DLGAP3: variants seen among roughly 807,000 people sequenced by gnomAD.
DLGAP3 encodes disks large-associated protein 3.
Under a neutral mutation model 81.2 loss-of-function variants are expected in DLGAP3, and 17 were observed. The ratio of observed to expected loss-of-function variants is 0.21; its 90% CI spans 0.14 to 0.31. DLGAP3 has a LOEUF of 0.31. Among genes scored for constraint, DLGAP3 ranks in the 10% least tolerant of loss-of-function variants. The pLI is 1.00. For synonymous variants in DLGAP3, 577 were observed against 587.4 expected, an observed-to-expected ratio of 0.98 and a Z score of 0.26; for missense variants, 1,124 against 1,388.0, an observed-to-expected ratio of 0.81 and a Z score of 3.02.
chr1:34,919,323 A>G (rs1408618656), intron 1 of DLGAP3, among the ~76,000 whole-genome samples: 1 of 152,038 alleles, frequency 6.6e-6, no homozygotes, highest in Non-Finnish European at 1.5e-5. Context: ...GCAGACCCCC[A>G]ACTCCCACTT....
At position 34,868,905 on chromosome 1, in the gene DLGAP3, G is replaced by A. The variant is rs142976280; in HGVS notation, c.2185C>T (p.Arg729Cys). ...CACTGGCCCTGCGTGTGGACCGTGC[G>A]GAAGACTGAGTAGGTGGGGGCCCGG... ...GPRAPTYSVF[R>C]TVHTQGQWAY... Residue 729 changes from arginine (R) to cysteine (C), a missense_variant, in exon 9 of 12, where the codon CGC becomes TGC. Physicochemically the swap from Arg to Cys is radical, Grantham distance 180. Coordinates refer to ENST00000373347, the MANE Select transcript of DLGAP3 (RefSeq NM_001080418.3). The surrounding 1 kb of genome is among the most constrained non-coding windows in gnomAD (Gnocchi z 7.5). 20 of 1,606,872 alleles carry A rather than the reference G, an allele frequency of 1.2e-5. No homozygotes were observed. The highest frequency in any genetic ancestry group is 4.0e-5 in the African/African-American group (3 of 74,904).
intron 11 of DLGAP3, among the ~76,000 whole-genome samples, chr1:34,866,577 G>A (rs1294561097): frequency 6.6e-6 from 1 of 152,190 alleles, no homozygotes; most frequent in Non-Finnish European, 1.5e-5. Flanking sequence ...TTCACTCCGG[G>A]TCCCGACCCG....
intron 1 of DLGAP3, among the ~76,000 whole-genome samples, chr1:34,909,946 C>A (rs1381116160): frequency 6.6e-6 from 1 of 152,196 alleles, no homozygotes; most frequent in Non-Finnish European, 1.5e-5. Context: ...TAACTAGAGG[C>A]CACATGATTC....
At chr1:34,912,004 C>A (rs1639646712) in intron 1 of DLGAP3, among the ~76,000 whole-genome samples, 1 of 152,200 alleles carries the variant, frequency 6.6e-6, no homozygotes, top group South Asian at 2.1e-4. Context: ...GGGCTCAAAT[C>A]CCTTTCCACT....
chr1:34,914,877 T>A (rs978595780), intron 1 of DLGAP3, among the ~76,000 whole-genome samples: 57 of 152,236 alleles, frequency 3.7e-4, no homozygotes, highest in African/African-American at 1.3e-3. Flanking sequence ...ATGCAGGAAT[T>A]TCTGTTTGCC....
At chr1:34,921,521 C>T (rs1187231904) in intron 1 of DLGAP3, among the ~76,000 whole-genome samples, 1 of 152,236 alleles carries the variant, frequency 6.6e-6, no homozygotes, top group Non-Finnish European at 1.5e-5. Context: ...TGTGTGTCTA[C>T]CCTCCTTAAC....
chr1:34,867,598 T>A lies in DLGAP3; in HGVS notation c.2515A>T (p.Ser839Cys), dbSNP rs769763442. ...ILEKIRSAVG[S>C]TQLLLSQKVQ... ...TTCTGGGACAGGAGAAGTTGTGTGC[T>A]GCCCACAGCACTGCGGATCTTCTCC... The change falls in exon 10 of 12, where the codon AGC becomes TGC. Residue 839 changes from serine (S) to cysteine (C), a missense_variant. By Grantham distance (112) the Ser-to-Cys change is moderately radical. Coordinates refer to ENST00000373347, the MANE Select transcript of DLGAP3 (RefSeq NM_001080418.3). This position sits in a 1 kb window ranked among gnomAD's most constrained non-coding sequence, Gnocchi z 4.3. 1.9e-6 allele frequency: 3 copies of A among 1,614,022 alleles called. No homozygotes were observed. The highest frequency in any genetic ancestry group is 2.5e-6 in the Non-Finnish European group (3 of 1,179,890).
chr1:34,889,979 A>G (rs1639288856), intron 5 of DLGAP3, among the ~76,000 whole-genome samples: 1 of 152,326 alleles, frequency 6.6e-6, no homozygotes, highest in African/African-American at 2.4e-5. Flanking sequence ...GAAGCGTGGA[A>G]TTGGAAAGGA....
chr1:34,921,859 T>C (rs1369846925), intron 1 of DLGAP3, among the ~76,000 whole-genome samples: 1 of 152,206 alleles, frequency 6.6e-6, no homozygotes, highest in Non-Finnish European at 1.5e-5. Context: ...ATCCCCGTGT[T>C]GGTATAGACA....
intron 1 of DLGAP3, among the ~76,000 whole-genome samples, chr1:34,924,364 G>C (rs1047949922): frequency 6.6e-6 from 1 of 151,942 alleles, no homozygotes; most frequent in Non-Finnish European, 1.5e-5. Context: ...TGAATCCTTT[G>C]CTTAAAAATC....
At position 34,904,688 on chromosome 1, in the gene DLGAP3, G is replaced by T; in HGVS notation, c.696C>A (p.His232Gln). Residue 232 changes from histidine to glutamine, a missense_variant, in exon 3 of 12, where the codon CAC becomes CAA. Coordinates refer to ENST00000373347, the MANE Select transcript of DLGAP3 (RefSeq NM_001080418.3). This position sits in a 1 kb window ranked among gnomAD's most constrained non-coding sequence, Gnocchi z 8.1. ...TCTTGCCGTGCCGGGACTGGTGGTG[G>T]TGGTGATGGTGGTGGTGATGGTGGT... is the stretch of plus-strand genomic sequence containing the variant. The part of the protein sequence containing the change: ...SHHHHHHHHH[H>Q]HHQSRHGKRS... 1 of 1,613,768 alleles carries T rather than the reference G, an allele frequency of 6.2e-7. No homozygotes were observed. The highest frequency in any genetic ancestry group is 8.5e-7 in the Non-Finnish European group (1 of 1,179,984).
intron 1 of DLGAP3, among the ~76,000 whole-genome samples, chr1:34,916,858 G>A (rs1243299765): frequency 6.6e-6 from 1 of 152,026 alleles, no homozygotes; most frequent in Non-Finnish European, 1.5e-5. Context: ...GCCACGTCTG[G>A]CTAATTCTTT....
At position 34,868,938 on chromosome 1, in the gene DLGAP3, G is replaced by A; in HGVS notation, c.2152C>T (p.Pro718Ser). 3 of 1,609,774 alleles carry A rather than the reference G, an allele frequency of 1.9e-6. No individual in the cohort carries two copies. Among genetic ancestry groups the A allele is most frequent in the Non-Finnish European group, 2.5e-6 (3 of 1,179,874 alleles). The change falls in exon 9 of 12, where the codon CCT becomes TCT. Residue 718 changes from proline to serine, a missense_variant. Physicochemically the swap from Pro to Ser is moderately conservative, Grantham distance 74. Coordinates refer to ENST00000373347, the MANE Select transcript of DLGAP3 (RefSeq NM_001080418.3). This position sits in a 1 kb window ranked among gnomAD's most constrained non-coding sequence, Gnocchi z 7.5. Reference sequence around the variant, plus strand: ...GAGTAGGTGGGGGCCCGGGGCCCAGGCTGGGGCTCAGAGGCGTGCCTCTGG... The same window carrying A: ...GAGTAGGTGGGGGCCCGGGGCCCAGACTGGGGCTCAGAGGCGTGCCTCTGG... ...SFQRHASEPQ[P>S]GPRAPTYSVF...
rs1420678336 is a variant in DLGAP3, at chr1:34,907,789, A to AAGTGTATAG, written c.-134-361_-134-353dup. On this transcript the variant is annotated intron_variant, in intron 1 of 11. Transcript: ENST00000373347. ...CAGTTACCATAAGCAAGAGAGTGAG[A>AAGTGTATAG]AGTGTATAGAGGTGATTTAAGAGTG... 2.0e-5 allele frequency among the ~76,000 whole-genome samples: 3 copies of AAGTGTATAG among 152,124 alleles called. No homozygotes were observed. The East Asian group carries it at 5.8e-4, about 29-fold the overall frequency.
At chr1:34,894,600 A>T (rs1391303888) in intron 5 of DLGAP3, among the ~76,000 whole-genome samples, 2 of 152,268 alleles carry the variant, frequency 1.3e-5, no homozygotes, top group African/African-American at 4.8e-5. Context: ...AAACACTTAG[A>T]GAAAATAAAT....
At chr1:34,927,047 C>G (rs1410492644) in intron 1 of DLGAP3, among the ~76,000 whole-genome samples, 1 of 152,066 alleles carries the variant, frequency 6.6e-6, no homozygotes, top group Non-Finnish European at 1.5e-5. Flanking sequence ...GGAGTCTGGC[C>G]TGTAGCAGCT....
chr1:34,917,346 CTT>C (rs548309308), intron 1 of DLGAP3, among the ~76,000 whole-genome samples: 19 of 133,252 alleles, frequency 1.4e-4, no homozygotes, highest in Admixed American at 2.3e-4. Context: ...ATCCTTTTTC[CTT>C]TTTTTTTTTT....
Position 34,893,192 on chromosome 1 carries a change from A to C in DLGAP3, c.1386+6477T>G, listed in dbSNP as rs186632138. The stretch of plus-strand genomic sequence containing the variant: ...AGACTCCGTCTCAAAAAAAAAAAAA[A>C]AAAAAAACAATGAACACCAGAAGGC... On this transcript the variant is annotated intron_variant, in intron 5 of 11. Coordinates refer to ENST00000373347, the MANE Select transcript of DLGAP3 (RefSeq NM_001080418.3). Among the ~76,000 whole-genome samples the C allele has an allele frequency of 9.7e-3, 1,470 of 151,932 alleles. 30 individuals carry two copies. The highest frequency in any genetic ancestry group is 0.033 in the African/African-American group (1,379 of 41,450).
chr1:34,888,160 G>A (rs746721850), intron 5 of DLGAP3, among the ~76,000 whole-genome samples: 7 of 152,140 alleles, frequency 4.6e-5, no homozygotes, highest in Non-Finnish European at 8.8e-5. Flanking sequence ...TTATATTTAC[G>A]TGCAGTCAAC....
Sources: allele counts gnomAD v4.1 joint callset (sites outside exome capture counted in the v4.1 genomes callset), GRCh38; gene constraint gnomAD v4.1.1; non-coding constraint Gnocchi (gnomAD v3.1); transcripts MANE v1.5; gene names NCBI Gene and HGNC (gene_info 2026-07-23, HGNC 2026-07-21).